Variants in TEX2 observed in about 807,000 individuals in gnomAD.
TEX2 encodes the protein testis expressed 2.
Under a neutral mutation model 106.9 loss-of-function variants are expected in TEX2, and 53 were observed. The observed-to-expected ratio is 0.50, with a 90% CI of 0.40 to 0.62. The LOEUF is 0.62. Among genes scored for constraint, TEX2 ranks in the 20% least tolerant of loss-of-function variants. TEX2 has a pLI of 0.00. For synonymous variants in TEX2, 523 were observed against 534.8 expected, an observed-to-expected ratio of 0.98 and a Z score of 0.30; for missense variants, 1,207 against 1,379.0, an observed-to-expected ratio of 0.88 and a Z score of 1.98.
At chr17:64,250,587 G>A (rs532203417) in intron 1 of TEX2, among the ~76,000 whole-genome samples, 1 of 152,294 alleles carries the variant, frequency 6.6e-6, no homozygotes, top group African/African-American at 2.4e-5. Context: ...ACACCTGCCG[G>A]AGGCCTACTT....
intron 1 of TEX2, chr17:64,255,923 C>A (rs1264977368): frequency 6.6e-6 from 1 of 152,288 alleles, no homozygotes; most frequent in Non-Finnish European, 1.5e-5. Flanking sequence ...CATCCAAACA[C>A]TAAAGCAAAC....
intron 1 of TEX2, among the ~76,000 whole-genome samples, chr17:64,232,532 AG>A (rs1380590514): frequency 1.3e-5 from 2 of 152,132 alleles, no homozygotes; most frequent in African/African-American, 4.8e-5. Context: ...AGCATAGCTG[AG>A]CAAGCAAGAA....
chr17:64,152,882 T>C, intron 10 of TEX2, 63 bp downstream of exon 10: 1 of 1,530,632 alleles, frequency 6.5e-7, no homozygotes, highest in Non-Finnish European at 8.9e-7. Flanking sequence ...TTAAGCAGGC[T>C]GGGATTTCTG....
At chr17:64,150,555 A>G (rs113008631) in intron 11 of TEX2, 4,534 of 195,430 alleles carry the variant, frequency 0.023, 76 homozygotes, top group Middle Eastern at 0.043. Context: ...AAAGCCTGAC[A>G]GTCCTGGCAG....
In TEX2 at chr17:64,153,584, T is replaced by C. The variant is rs2030472268; in HGVS notation, c.2931-430A>G. Among the ~76,000 whole-genome samples, 1 of 152,174 alleles carries C rather than the reference T, an allele frequency of 6.6e-6. No individual in the cohort carries two copies. Among genetic ancestry groups the C allele is most frequent in the Non-Finnish European group, 1.5e-5 (1 of 68,030 alleles). On this transcript the variant is annotated intron_variant, in intron 9 of 11. Coordinates refer to ENST00000584379, the MANE Select transcript of TEX2 (RefSeq NM_001288732.2). This position sits in a 1 kb window ranked among gnomAD's most constrained non-coding sequence, Gnocchi z 4.1. ...ACAGAAATCCAATGACATATCAATC[T>C]CATAATCTCCATGCAGCAAGTAACA...
intron 2 of TEX2, among the ~76,000 whole-genome samples, chr17:64,208,221 G>A (rs182751185): frequency 2.0e-5 from 3 of 152,212 alleles, no homozygotes; most frequent in African/African-American, 7.2e-5. Context: ...AAGCTTTACT[G>A]TTTTGTTTTT....
At chr17:64,189,972 A>AAG (rs2032233576) in intron 4 of TEX2, among the ~76,000 whole-genome samples, 1 of 150,732 alleles carries the variant, frequency 6.6e-6, no homozygotes. Context: ...GCAACAGAGC[A>AAG]AGACTCTGTC....
chr17:64,189,719 C>T (rs571695959), intron 4 of TEX2, among the ~76,000 whole-genome samples: 10 of 152,232 alleles, frequency 6.6e-5, no homozygotes, highest in African/African-American at 1.9e-4. Context: ...CGGTGGCTCA[C>T]GCCTATAATC....
At chr17:64,231,959 C>A (rs182637298) in intron 1 of TEX2, among the ~76,000 whole-genome samples, 1 of 152,208 alleles carries the variant, frequency 6.6e-6, no homozygotes, top group Non-Finnish European at 1.5e-5. Flanking sequence ...GTGGACTCAC[C>A]GGCATGTTAT....
At position 64,187,783 on chromosome 17, in the gene TEX2, G is replaced by A. The variant is rs116348524; in HGVS notation, c.2424+385C>T. The stretch of plus-strand genomic sequence containing the variant: ...TGCTCCTCCCACACCCATCACCATG[G>A]CTCACTCCCCCGTGACCAACAGGTC... On this transcript the variant is annotated intron_variant, in intron 5 of 11. Transcript: ENST00000584379. 8.2e-3 allele frequency among the ~76,000 whole-genome samples: 1,244 copies of A among 152,114 alleles called. 16 individuals are homozygous for A. Among genetic ancestry groups the A allele is most frequent in the African/African-American group, 0.028 (1,161 of 41,494 alleles).
chr17:64,213,006 T>C lies in TEX2; in HGVS notation c.1212A>G (p.Lys404=), dbSNP rs782213156. 3 of 1,614,110 alleles carry C rather than the reference T, an allele frequency of 1.9e-6. No homozygotes were observed. Among genetic ancestry groups the C allele is most frequent in the Non-Finnish European group, 2.5e-6 (3 of 1,180,054 alleles). The stretch of plus-strand genomic sequence containing the variant: ...TGCTCACTAAGGCAGACAAAGAACA[T>C]TTCTCCAGAACTAGAGAACTTGTCT... ...GLKTSSLVLE[K]CSLSALVSKE... Residue 404 remains lysine (K), a synonymous_variant, in exon 2 of 12, where the codon AAA becomes AAG. Transcript: ENST00000584379. This position sits in a 1 kb window ranked among gnomAD's most constrained non-coding sequence, Gnocchi z 4.4.
chr17:64,154,958 G>A lies in TEX2; in HGVS notation c.2814C>T (p.Pro938=). 1 of 1,589,612 alleles carries A rather than the reference G, an allele frequency of 6.3e-7. No homozygotes were observed. Among genetic ancestry groups the A allele is most frequent in the East Asian group, 2.3e-5 (1 of 43,840 alleles). ...VGEIGKEGCR[P]RAFCLADSDE... is the part of the protein sequence containing the mutation. ...CGCTGTCCGCCAGACAGAATGCCCG[G>A]GGCCTGCAACTGGACAGAGAGAGAG... Residue 938 remains proline (P), a synonymous_variant, in exon 9 of 12, where the codon CCC becomes CCT. Transcript: ENST00000584379.
intron 10 of TEX2, among the ~76,000 whole-genome samples, chr17:64,151,396 T>C (rs1052617634): frequency 6.6e-6 from 1 of 152,206 alleles, no homozygotes; most frequent in African/African-American, 2.4e-5. Flanking sequence ...GAGAGGACTA[T>C]TGACAGAAGT....
rs1485148498 is a variant in TEX2 at position 64,212,747 on chromosome 17, G to A, written c.1471C>T (p.Leu491Phe). ...MCVYVYLILP[L>F]PHYVSGLFLG... ...AAGAGTCCACTCACATAGTGGGGGA[G>A]GGGGAGGATGAGGTACACATAGACA... Residue 491 changes from leucine (L) to phenylalanine (F), a missense_variant, in exon 2 of 12, where the codon CTC becomes TTC. Leu to Phe is a conservative substitution (Grantham distance 22). This residue lies in a region of TEX2 where 1,067 missense variants were observed against 1,193.6 expected (regional missense o/e 0.89). Transcript: ENST00000584379. 1.9e-6 allele frequency: 3 copies of A among 1,614,064 alleles called. No homozygotes were observed. The highest frequency in any genetic ancestry group is 1.3e-5 in the African/African-American group (1 of 74,932).
At chr17:64,222,336 T>C (rs1044566213) in intron 1 of TEX2, among the ~76,000 whole-genome samples, 5 of 151,868 alleles carry the variant, frequency 3.3e-5, no homozygotes, top group African/African-American at 9.7e-5. Context: ...CTGGCCAACA[T>C]GGTGAAACCC....
chr17:64,216,493 A>C (rs1186089425), intron 1 of TEX2, among the ~76,000 whole-genome samples: 11 of 152,222 alleles, frequency 7.2e-5, no homozygotes, highest in African/African-American at 2.7e-4. Context: ...CTGTGGGCAC[A>C]AGTCCAAGTA....
chr17:64,222,675 T>C (rs1280551202), intron 1 of TEX2, among the ~76,000 whole-genome samples: 1 of 152,062 alleles, frequency 6.6e-6, no homozygotes, highest in Non-Finnish European at 1.5e-5. Flanking sequence ...TCTTCAAAAC[T>C]ACAAAGAAAT....
rs1448474783 is a variant in TEX2, at chr17:64,188,326, T to A, written c.2266A>T (p.Met756Leu). The change falls in exon 5 of 12, where the codon ATG (methionine) becomes TTG (leucine). Residue 756 changes from methionine (M) to leucine (L), a missense_variant. This residue lies in a region of TEX2 where 1,067 missense variants were observed against 1,193.6 expected (regional missense o/e 0.89). Transcript: ENST00000584379. ...SSSKGSVEEI[M>L]SQPKQKELAG... ...AGCTCCTTCTGCTTTGGCTGTGACATGATCTCCTCCACACTGCCTTTGCTG... is the reference window on the plus strand; with the variant it reads ...AGCTCCTTCTGCTTTGGCTGTGACAAGATCTCCTCCACACTGCCTTTGCTG... The A allele has an allele frequency of 6.2e-7, 1 of 1,614,184 alleles. No homozygotes were observed. The highest frequency in any genetic ancestry group is 1.3e-5 in the African/African-American group (1 of 75,044).
At chr17:64,165,541 G>A (rs1256657881) in intron 7 of TEX2, among the ~76,000 whole-genome samples, 1 of 152,260 alleles carries the variant, frequency 6.6e-6, no homozygotes, top group African/African-American at 2.4e-5. Context: ...CTGCCTTGGT[G>A]CTCAGGCCCA....
Sources: allele counts gnomAD v4.1 joint callset (sites outside exome capture counted in the v4.1 genomes callset), GRCh38; gene constraint gnomAD v4.1.1; regional missense constraint gnomAD v4.1.1; non-coding constraint Gnocchi (gnomAD v3.1); transcripts MANE v1.5; gene names NCBI Gene and HGNC (gene_info 2026-07-23, HGNC 2026-07-21).